Variants in PDE1C observed in about 807,000 individuals in gnomAD.
PDE1C encodes dual specificity calcium/calmodulin-dependent 3',5'-cyclic nucleotide phosphodiesterase 1C.
PDE1C carries 62 observed loss-of-function variants against 93.1 expected under a neutral mutation model. The ratio of observed to expected loss-of-function variants is 0.67; its 90% confidence interval spans 0.54 to 0.82. PDE1C has a LOEUF of 0.82. Ranked by LOEUF, PDE1C falls within the 40% of genes least tolerant of loss-of-function variation. The pLI is 0.00. For missense variants in PDE1C, 742 were observed against 884.6 expected (o/e 0.84, Z 2.04); for synonymous variants, 325 against 310.1 (o/e 1.05, Z -0.50).
chr7:32,423,262 A>G (rs1254987791), intron 1 of PDE1C, among the ~76,000 whole-genome samples: 4 of 152,200 alleles, frequency 2.6e-5, no homozygotes, highest in Non-Finnish European at 4.4e-5. Flanking sequence ...CTGTGGTCCC[A>G]ACTACTCAGG....
intron 3 of PDE1C, among the ~76,000 whole-genome samples, chr7:32,110,411 ATCATCTCCCAC>A (rs1462635395): frequency 6.6e-6 from 1 of 152,148 alleles, no homozygotes; most frequent in Admixed American, 6.5e-5. Flanking sequence ...CTATAATTCA[ATCATCTCCCAC>A]TGGGTTCCTC....
At chr7:31,970,976 C>G (rs1001760085) in intron 2 of PDE1C, among the ~76,000 whole-genome samples, 1 of 152,082 alleles carries the variant, frequency 6.6e-6, no homozygotes, top group Admixed American at 6.5e-5. Flanking sequence ...AACCCTGTCT[C>G]TACTAAAAAT....
At chr7:32,229,087 G>A (rs951466065) in intron 1 of PDE1C, among the ~76,000 whole-genome samples, 11 of 152,216 alleles carry the variant, frequency 7.2e-5, no homozygotes, top group African/African-American at 2.4e-4. Context: ...TTTTGTAAGG[G>A]AGAGGTGCTT....
At chr7:31,882,532 C>A (rs367603281) in intron 2 of PDE1C, among the ~76,000 whole-genome samples, 320 of 152,258 alleles carry the variant, frequency 2.1e-3, no homozygotes, top group African/African-American at 7.1e-3. Context: ...CCAGCTATCC[C>A]CTAGGCTGTT....
At chr7:32,268,109 G>T (rs1267151750) in intron 1 of PDE1C, among the ~76,000 whole-genome samples, 1 of 152,238 alleles carries the variant, frequency 6.6e-6, no homozygotes, top group Non-Finnish European at 1.5e-5. Flanking sequence ...GAACCCAAAT[G>T]TGGAGGTCCA....
chr7:32,336,109 A>T (rs1783618632), intron 1 of PDE1C, among the ~76,000 whole-genome samples: 1 of 152,238 alleles, frequency 6.6e-6, no homozygotes, highest in South Asian at 2.1e-4. Flanking sequence ...GTTCCTATCA[A>T]GGAAATGAGC....
At chr7:31,742,435 G>GT in the PDE1C span, among the ~76,000 whole-genome samples, 28 of 152,194 alleles carry the variant, frequency 1.8e-4, no homozygotes, top group Non-Finnish European at 2.9e-4. Flanking sequence ...AGCTGTGGTG[G>GT]TGCACACCTG....
the PDE1C span, among the ~76,000 whole-genome samples, chr7:31,698,876 T>TA: frequency 1.3e-5 from 2 of 152,146 alleles, no homozygotes; most frequent in Non-Finnish European, 2.9e-5. Flanking sequence ...GTCATGGGGG[T>TA]AACTGAGCAG....
rs141372195 is a variant in PDE1C, at chr7:32,259,970, C to T, written c.85+38681G>A. ...TCTCTCACCCAGCCATGGCTTGGTG[C>T]CCAGAAATTCTTCGTCCCACCTAAA... is the stretch of plus-strand genomic sequence containing the variant. On this transcript the variant is annotated intron_variant, in intron 1 of 18. Transcript: ENST00000396193. 5.3e-5 allele frequency among the ~76,000 whole-genome samples: 8 copies of T among 152,286 alleles called. No individual in the cohort carries two copies. In the East Asian group the frequency reaches 1.5e-3, roughly 29 times the overall value.
intron 2 of PDE1C, among the ~76,000 whole-genome samples, chr7:31,964,211 A>T (rs1171330855): frequency 1.3e-5 from 2 of 152,240 alleles, no homozygotes; most frequent in Non-Finnish European, 2.9e-5. Context: ...TCCTAGTCAA[A>T]GAAAGGGATG....
intron 1 of PDE1C, among the ~76,000 whole-genome samples, chr7:32,334,545 T>C (rs1011241428): frequency 3.9e-5 from 6 of 152,092 alleles, no homozygotes; most frequent in Non-Finnish European, 7.4e-5. Flanking sequence ...CCGGGCAGTA[T>C]ACACTACACC....
the PDE1C span, chr7:31,652,546 C>T: frequency 3.1e-6 from 5 of 1,606,622 alleles, no homozygotes; most frequent in Admixed American, 6.8e-5. Flanking sequence ...GCAGAGCCAC[C>T]TGAACACTAT....
intron 1 of PDE1C, among the ~76,000 whole-genome samples, chr7:32,064,862 T>G (rs1795198585): frequency 1.3e-5 from 2 of 152,106 alleles, no homozygotes; most frequent in African/African-American, 4.8e-5. Flanking sequence ...GCCTCTGCCT[T>G]CCTTTCCAGC....
intron 1 of PDE1C, among the ~76,000 whole-genome samples, chr7:32,419,750 C>T (rs4723155): frequency 0.16 from 24,622 of 151,806 alleles, 2,619 homozygotes; most frequent in Admixed American, 0.26. Flanking sequence ...TGCAAAAGAG[C>T]ATGCCTCTTG....
intron 16 of PDE1C, among the ~76,000 whole-genome samples, chr7:31,792,187 T>G (rs2191871): frequency 0.93 from 140,671 of 152,002 alleles, 65,519 homozygotes; most frequent in Non-Finnish European, 0.98. Flanking sequence ...ATTTCTTAAG[T>G]CACTTAAGAA....
Position 32,189,124 on chromosome 7 carries a change from A to G in PDE1C, c.137-19168T>C, listed in dbSNP as rs544170192. 1.4e-3 allele frequency among the ~76,000 whole-genome samples: 219 copies of G among 152,312 alleles called. 2 individuals are homozygous for G. Among genetic ancestry groups the G allele is most frequent in the African/African-American group, 5.1e-3 (213 of 41,578 alleles). On this transcript the variant is annotated intron_variant, in intron 2 of 18. Coordinates refer to the PDE1C transcript ENST00000396193. ...CATCTGGTGCAGTGGATCACTATAT[A>G]GTGAGACCATCAATTCCAAGAGGAA...
At chr7:32,085,107 A>G (rs1471001062) in intron 3 of PDE1C, among the ~76,000 whole-genome samples, 1 of 149,802 alleles carries the variant, frequency 6.7e-6, no homozygotes, top group African/African-American at 2.5e-5. Flanking sequence ...GACCGCTAGC[A>G]AGACTAATAA....
At chr7:31,891,196 G>A (rs542720335) in intron 2 of PDE1C, among the ~76,000 whole-genome samples, 68 of 152,258 alleles carry the variant, frequency 4.5e-4, no homozygotes, top group African/African-American at 1.6e-3. Flanking sequence ...GAACCAGACT[G>A]GAACTGGAAC....
chr7:31,823,791 G>C (rs572937786), intron 13 of PDE1C, among the ~76,000 whole-genome samples: 36 of 152,264 alleles, frequency 2.4e-4, no homozygotes, highest in South Asian at 1.7e-3. Flanking sequence ...GATTGTGAGG[G>C]ACTAGGTCAT....
Sources: allele counts gnomAD v4.1 joint callset (sites outside exome capture counted in the v4.1 genomes callset), GRCh38; gene constraint gnomAD v4.1.1; transcripts MANE v1.5; gene names NCBI Gene and HGNC (gene_info 2026-07-23, HGNC 2026-07-21).